Variants in XRN1 observed in about 807,000 individuals in gnomAD.
XRN1 encodes strand-exchange protein 1 homolog.
A neutral mutation model predicts 222.3 loss-of-function variants in XRN1; 67 were observed. The observed-to-expected ratio is 0.30, with a 90% CI of 0.25 to 0.37. The LOEUF is 0.37. Ranked by LOEUF, XRN1 falls within the 10% of genes least tolerant of loss-of-function variation. XRN1 has a pLI of 1.00. For missense variants in XRN1, 1,707 were observed against 2,000.2 expected, an observed-to-expected ratio of 0.85 and a Z score of 2.80; for synonymous variants, 643 against 652.4, an observed-to-expected ratio of 0.99 and a Z score of 0.22.
chr3:142,371,466 TA>T (rs1255302254), intron 25 of XRN1, 138 bp from the exon 26 acceptor site: 1 of 659,802 alleles, frequency 1.5e-6, no homozygotes, highest in African/African-American at 1.8e-5. Context: ...GGGATATTAT[TA>T]AAAGTGATAG....
chr3:142,439,224 C>T (rs2070079594), intron 1 of XRN1, among the ~76,000 whole-genome samples: 2 of 152,198 alleles, frequency 1.3e-5, no homozygotes. Flanking sequence ...CAGACACTAA[C>T]CCCAAATGAG....
chr3:142,312,510 C>A, intron 40 of XRN1, 88 bp downstream of exon 40: 1 of 1,351,278 alleles, frequency 7.4e-7, no homozygotes. Flanking sequence ...CTAGTTGGCA[C>A]TGAATAAGTA....
At chr3:142,439,731 G>A (rs1415160530) in intron 1 of XRN1, among the ~76,000 whole-genome samples, 10 of 147,770 alleles carry the variant, frequency 6.8e-5, no homozygotes, top group Non-Finnish European at 1.2e-4. Flanking sequence ...AGGAGCAGGC[G>A]GAACAGGACA....
At position 142,355,500 on chromosome 3, in the gene XRN1, G is replaced by A; in HGVS notation, c.3673-4C>T. On this transcript the variant is annotated splice_polypyrimidine_tract_variant and splice_region_variant and intron_variant, in intron 31 of 40. Transcript: ENST00000392981. ...CATCATCATCTTTAGTAGGTACCTAGCAAAGTACAAACAATTTCTTGAGAA... is the reference window on the plus strand; with the variant it reads ...CATCATCATCTTTAGTAGGTACCTAACAAAGTACAAACAATTTCTTGAGAA... 1 of 1,550,620 alleles carries A rather than the reference G, an allele frequency of 6.4e-7. No individual in the cohort carries two copies. The highest frequency in any genetic ancestry group is 1.2e-5 in the South Asian group (1 of 82,904).
chr3:142,331,963 C>CA (rs2065710083), intron 36 of XRN1, among the ~76,000 whole-genome samples: 1 of 152,002 alleles, frequency 6.6e-6, no homozygotes, highest in East Asian at 1.9e-4. Context: ...TTTAGAGAGA[C>CA]AGAGTTTCCG....
Position 142,316,911 on chromosome 3 carries a change from A to T in XRN1, c.4621+1681T>A, listed in dbSNP as rs1189545409. Among the ~76,000 whole-genome samples the T allele has an allele frequency of 2.0e-5, 3 of 152,188 alleles. No homozygotes were observed. In the East Asian group the frequency reaches 5.8e-4, roughly 29 times the overall value. ...AGTGAGACCTTGTTGCTTAAAAAAA[A>T]AAGGGTACATAAGAAATAAATTTGC... On this transcript the variant is annotated intron_variant, in intron 39 of 40. Transcript: ENST00000392981.
chr3:142,421,581 G>A (rs1464733608), intron 8 of XRN1, 38 bp from the exon 9 acceptor site: 6 of 1,457,870 alleles, frequency 4.1e-6, no homozygotes, highest in Non-Finnish European at 5.7e-6. Flanking sequence ...ACTAAAAGCT[G>A]ACATTTTTTC....
intron 31 of XRN1, among the ~76,000 whole-genome samples, chr3:142,355,776 AT>A (rs755409479): frequency 6.9e-4 from 98 of 141,896 alleles, no homozygotes; most frequent in African/African-American, 9.8e-4. Flanking sequence ...ATGCCCAACT[AT>A]TTTTTTTTTT....
intron 1 of XRN1, among the ~76,000 whole-genome samples, chr3:142,443,406 T>G (rs1473677805): frequency 6.6e-6 from 1 of 152,102 alleles, no homozygotes; most frequent in Non-Finnish European, 1.5e-5. Flanking sequence ...CGCATCCACC[T>G]TTAAACACGG....
chr3:142,316,877 G>A (rs2065224727), intron 39 of XRN1, among the ~76,000 whole-genome samples: 1 of 151,940 alleles, frequency 6.6e-6, no homozygotes, highest in Non-Finnish European at 1.5e-5. Context: ...AGACCAGCCT[G>A]GGCAACATAG....
At chr3:142,386,374 A>G (rs2067500749) in intron 20 of XRN1, among the ~76,000 whole-genome samples, 1 of 152,156 alleles carries the variant, frequency 6.6e-6, no homozygotes. Flanking sequence ...GTAGATTAAT[A>G]TTGGAAATTC....
intron 1 of XRN1, among the ~76,000 whole-genome samples, chr3:142,438,901 T>A (rs995686585): frequency 2.1e-4 from 32 of 151,636 alleles, no homozygotes; most frequent in Admixed American, 1.9e-3. Context: ...TACCTCCCTA[T>A]TCCAGTGTCC....
chr3:142,399,952 TA>T (rs989770401), intron 19 of XRN1, among the ~76,000 whole-genome samples: 8 of 151,780 alleles, frequency 5.3e-5, no homozygotes, highest in East Asian at 3.9e-4. Flanking sequence ...TATGAAATAA[TA>T]AAAAAACGAC....
chr3:142,309,069 T>G lies in XRN1; in HGVS notation c.*2442A>C, dbSNP rs1200684946. ...TCCATAGGGAGGGCACATCTCCCAT[T>G]GACCTCAGGCCCACATTTAGAATGG... On this transcript the variant is annotated 3_prime_UTR_variant, in exon 41 of 41. Coordinates refer to ENST00000392981, the MANE Select transcript of XRN1 (RefSeq NM_001282857.2). 1 of 152,128 alleles carries G rather than the reference T, an allele frequency of 6.6e-6. No individual in the cohort carries two copies. Among genetic ancestry groups the G allele is most frequent in the Non-Finnish European group, 1.5e-5 (1 of 68,020 alleles). 9.4% of individuals were successfully genotyped at this position (152,128 alleles called of 1,614,324 possible). A position where few individuals can be genotyped will look rare whatever the true frequency, so the allele number is the denominator to read the frequency against.
chr3:142,440,212 G>A (rs1043469824), intron 1 of XRN1, among the ~76,000 whole-genome samples: 2 of 152,022 alleles, frequency 1.3e-5, no homozygotes, highest in African/African-American at 4.8e-5. Context: ...ACTATCCGAG[G>A]GGTCCTAGGA....
intron 1 of XRN1, among the ~76,000 whole-genome samples, chr3:142,440,984 G>A (rs1213555086): frequency 6.6e-6 from 1 of 152,146 alleles, no homozygotes; most frequent in Admixed American, 6.5e-5. Flanking sequence ...CCTTCGGTAC[G>A]CGGATGATTT....
chr3:142,423,538 A>T (rs1326074751), intron 6 of XRN1, 22 bp downstream of exon 6: 1 of 1,553,230 alleles, frequency 6.4e-7, no homozygotes, highest in Non-Finnish European at 8.7e-7. Flanking sequence ...CTTTCTTCCA[A>T]CATATATGCT....
intron 20 of XRN1, among the ~76,000 whole-genome samples, chr3:142,389,437 T>G (rs1198889977): frequency 6.6e-6 from 1 of 152,226 alleles, no homozygotes; most frequent in African/African-American, 2.4e-5. Context: ...TGATAGATAC[T>G]TTGAAATCCC....
intron 37 of XRN1, among the ~76,000 whole-genome samples, chr3:142,319,249 T>C (rs1364964354): frequency 6.6e-6 from 1 of 152,184 alleles, no homozygotes; most frequent in Non-Finnish European, 1.5e-5. Flanking sequence ...TAATGGCTAC[T>C]TTCACACTGT....
Sources: allele counts gnomAD v4.1 joint callset (sites outside exome capture counted in the v4.1 genomes callset), GRCh38; gene constraint gnomAD v4.1.1; transcripts MANE v1.5; gene names NCBI Gene and HGNC (gene_info 2026-07-23, HGNC 2026-07-21).